Variants in TMEFF1 observed in about 807,000 individuals in gnomAD.
TMEFF1 encodes transmembrane protein with EGF like and two follistatin like domains 1.
In TMEFF1, 20 loss-of-function variants were observed where a neutral mutation model predicts 47.5. The ratio of observed to expected loss-of-function variants is 0.42; its 90% confidence interval spans 0.30 to 0.61. The LOEUF is 0.61. Among genes scored for constraint, TMEFF1 ranks in the 20% least tolerant of loss-of-function variants. The pLI is 0.19. For missense variants in TMEFF1, 411 were observed against 471.1 expected, an observed-to-expected ratio of 0.87 and a Z score of 1.18; for synonymous variants, 162 against 166.3, an observed-to-expected ratio of 0.97 and a Z score of 0.20.
intron 5 of TMEFF1, among the ~76,000 whole-genome samples, chr9:100,525,233 G>A (rs1838234031): frequency 6.6e-6 from 1 of 152,052 alleles, no homozygotes; most frequent in African/African-American, 2.4e-5. Context: ...AATTCTGACA[G>A]TAACTACTTG....
chr9:100,483,274 A>G (rs903011787), intron 1 of TMEFF1, among the ~76,000 whole-genome samples: 3 of 152,182 alleles, frequency 2.0e-5, no homozygotes, highest in African/African-American at 7.2e-5. Flanking sequence ...AGGCGGGTGG[A>G]TCACCTGAGG....
At chr9:100,541,348 ATT>A (rs34971752) in intron 5 of TMEFF1, among the ~76,000 whole-genome samples, 19 of 106,792 alleles carry the variant, frequency 1.8e-4, no homozygotes, top group African/African-American at 4.5e-4. Context: ...TGGCAATTTC[ATT>A]TTTTTTTTTT....
chr9:100,481,716 G>A (rs896044804), intron 1 of TMEFF1, among the ~76,000 whole-genome samples: 1 of 152,118 alleles, frequency 6.6e-6, no homozygotes, highest in Non-Finnish European at 1.5e-5. Context: ...GTAGAAATGG[G>A]AAGAATTGAG....
At chr9:100,572,821 T>C (rs564410610) in intron 9 of TMEFF1, 145 bp downstream of exon 9, 2 of 1,038,430 alleles carry the variant, frequency 1.9e-6, no homozygotes, top group South Asian at 2.1e-5. Flanking sequence ...ATCCTTCTTC[T>C]TTAGGATACG....
At chr9:100,538,785 C>T (rs1838567589) in intron 5 of TMEFF1, among the ~76,000 whole-genome samples, 1 of 152,164 alleles carries the variant, frequency 6.6e-6, no homozygotes, top group African/African-American at 2.4e-5. Context: ...GATTGTTTGC[C>T]TGTACCACAT....
At chr9:100,561,555 T>A in intron 8 of TMEFF1, 35 bp downstream of exon 8, 1 of 1,588,260 alleles carries the variant, frequency 6.3e-7, no homozygotes. Flanking sequence ...GGTGAGCATT[T>A]TTTTTCATCA....
chr9:100,473,446 T>C lies in TMEFF1; in HGVS notation c.-99T>C. 1.0e-6 allele frequency: 1 copy of C among 965,028 alleles called. No homozygotes were observed. Among genetic ancestry groups the C allele is most frequent in the Non-Finnish European group, 1.3e-6 (1 of 745,940 alleles). 59.8% of individuals were successfully genotyped at this position (965,028 alleles called of 1,614,324 possible). On this transcript the variant is annotated 5_prime_UTR_variant, in exon 1 of 10. Coordinates refer to ENST00000374879, the MANE Select transcript of TMEFF1 (RefSeq NM_003692.5). This position sits in a 1 kb window ranked among gnomAD's most constrained non-coding sequence, Gnocchi z 5.4. ...CTGCTCCCCGGCTCAGCGGCGCGGC[T>C]GCTAGGAGGCACCGAGGCAGCGGCG...
chr9:100,480,358 C>A (rs1278372059), intron 1 of TMEFF1, among the ~76,000 whole-genome samples: 2 of 152,092 alleles, frequency 1.3e-5, no homozygotes, highest in Non-Finnish European at 2.9e-5. Context: ...TGTTTTCAAA[C>A]TTATTTATAC....
intron 5 of TMEFF1, among the ~76,000 whole-genome samples, chr9:100,519,932 A>T (rs1379512458): frequency 6.6e-6 from 1 of 152,138 alleles, no homozygotes; most frequent in Non-Finnish European, 1.5e-5. Flanking sequence ...AATAAATATT[A>T]AGTCAAACAA....
intron 7 of TMEFF1, among the ~76,000 whole-genome samples, chr9:100,555,317 A>G (rs544411788): frequency 8.1e-4 from 123 of 152,316 alleles, no homozygotes; most frequent in South Asian, 4.4e-3. Context: ...TACTGTGTGC[A>G]GGTGACATCT....
intron 8 of TMEFF1, among the ~76,000 whole-genome samples, chr9:100,571,945 G>C (rs550601745): frequency 6.6e-6 from 1 of 152,198 alleles, no homozygotes; most frequent in Admixed American, 6.5e-5. Flanking sequence ...TGCCAGTGCT[G>C]ATCTGACAGG....
intron 2 of TMEFF1, among the ~76,000 whole-genome samples, chr9:100,501,033 G>A (rs542276728): frequency 1.3e-5 from 2 of 152,126 alleles, no homozygotes; most frequent in African/African-American, 2.4e-5. Flanking sequence ...GACTCCCCTC[G>A]AACTCTCTCC....
At chr9:100,546,438 C>G (rs574117152) in intron 5 of TMEFF1, among the ~76,000 whole-genome samples, 1 of 151,606 alleles carries the variant, frequency 6.6e-6, no homozygotes, top group Admixed American at 6.6e-5. Context: ...ATCCCCCCCC[C>G]ACCAGGTTCC....
chr9:100,483,049 A>G (rs957382254), intron 1 of TMEFF1, among the ~76,000 whole-genome samples: 7 of 151,964 alleles, frequency 4.6e-5, no homozygotes, highest in African/African-American at 1.5e-4. Context: ...GTGGATATAG[A>G]TCATTATGTT....
chr9:100,505,405 T>C (rs1356544918), intron 2 of TMEFF1, among the ~76,000 whole-genome samples: 2 of 73,570 alleles, frequency 2.7e-5, no homozygotes, highest in Admixed American at 4.9e-4. Context: ...ACCTAGACCC[T>C]GTCTCAAAAA....
chr9:100,531,037 C>T (rs939629944), intron 5 of TMEFF1, among the ~76,000 whole-genome samples: 5 of 151,330 alleles, frequency 3.3e-5, no homozygotes, highest in African/African-American at 7.3e-5. Flanking sequence ...AATTCAACAA[C>T]CCTTCATGCT....
intron 1 of TMEFF1, among the ~76,000 whole-genome samples, chr9:100,498,337 AATT>A (rs1242967259): frequency 1.3e-5 from 2 of 152,212 alleles, no homozygotes; most frequent in Non-Finnish European, 2.9e-5. Flanking sequence ...ATACCAAAAT[AATT>A]AAGATAATTT....
intron 1 of TMEFF1, among the ~76,000 whole-genome samples, chr9:100,492,813 AGTT>A (rs1425247136): frequency 6.6e-6 from 1 of 152,040 alleles, no homozygotes; most frequent in Non-Finnish European, 1.5e-5. Context: ...GAAGAAGAAG[AGTT>A]GCTATAGGAA....
In TMEFF1 at chr9:100,576,528, A is replaced by G. The variant is rs374375198; in HGVS notation, c.1071A>G (p.Lys357=). The part of the protein sequence containing the change: ...IVMCITRKCP[K]NNRGRRQKQN... ...TTTAATGCAACAGAAAATGCCCCAA[A>G]AACAATAGAGGACGTCGACAGAAGC... The change falls in exon 10 of 10, where the codon AAA becomes AAG. Residue 357 remains lysine, a synonymous_variant. Coordinates refer to ENST00000374879, the MANE Select transcript of TMEFF1 (RefSeq NM_003692.5). 25 of 1,612,478 alleles carry G rather than the reference A, an allele frequency of 1.6e-5. No individual in the cohort carries two copies. In the African/African-American group the frequency reaches 3.2e-4, roughly 21 times the overall value.
Sources: allele counts gnomAD v4.1 joint callset (sites outside exome capture counted in the v4.1 genomes callset), GRCh38; gene constraint gnomAD v4.1.1; non-coding constraint Gnocchi (gnomAD v3.1); transcripts MANE v1.5; gene names NCBI Gene and HGNC (gene_info 2026-07-23, HGNC 2026-07-21).